The following MIS18BP1 variants were observed in gnomAD, a reference collection of about 807,000 sequenced individuals.
MIS18BP1 encodes the protein MIS18 binding protein 1, also known as mis18-binding protein 1.
A neutral mutation model predicts 116.1 loss-of-function variants in MIS18BP1; 72 were observed. The observed-to-expected ratio is 0.62, with a 90% CI of 0.51 to 0.75. The LOEUF is 0.75. Ranked by LOEUF, MIS18BP1 falls within the 30% of genes least tolerant of loss-of-function variation. The pLI is 0.00. For synonymous variants in MIS18BP1, 386 were observed against 427.0 expected, an observed-to-expected ratio of 0.90 and a Z score of 1.18; for missense variants, 1,363 against 1,303.2, an observed-to-expected ratio of 1.05 and a Z score of -0.71.
In MIS18BP1 at chr14:45,227,647, T is replaced by TAC. The variant is rs1308443863; in HGVS notation, c.1746+14_1746+15dup. 3.1e-6 allele frequency: 5 copies of TAC among 1,606,392 alleles called. No individual in the cohort carries two copies. In the African/African-American group the frequency reaches 6.7e-5, roughly 21 times the overall value. ...AAATATCAACTTGAACTATACAGTG[T>TAC]ACAATAAAGCCTTACCTGATTAGAT... is the stretch of plus-strand genomic sequence containing the variant. On this transcript the variant is annotated intron_variant, in intron 9 of 16. Coordinates refer to ENST00000310806, the MANE Select transcript of MIS18BP1 (RefSeq NM_018353.5).
chr14:45,210,110 GTT>G, intron 14 of MIS18BP1: 1 of 232,686 alleles, frequency 4.3e-6, no homozygotes, highest in Non-Finnish European at 8.0e-6. Flanking sequence ...GGTTTCTTTA[GTT>G]TTTTTTTTTT....
chr14:45,235,070 G>C (rs1891385802), intron 6 of MIS18BP1, among the ~76,000 whole-genome samples: 1 of 152,022 alleles, frequency 6.6e-6, no homozygotes, highest in African/African-American at 2.4e-5. Context: ...GCTGTGCACT[G>C]TGGCACACTC....
intron 6 of MIS18BP1, among the ~76,000 whole-genome samples, chr14:45,234,830 T>G (rs549612864): frequency 1.6e-4 from 25 of 152,244 alleles, no homozygotes; most frequent in African/African-American, 5.3e-4. Context: ...TGGTGCCAGG[T>G]GGGTTCAACA....
At chr14:45,214,477 G>A (rs576007431) in intron 13 of MIS18BP1, among the ~76,000 whole-genome samples, 85 of 152,290 alleles carry the variant, frequency 5.6e-4, no homozygotes, top group African/African-American at 1.9e-3. Flanking sequence ...CCCTCTCTGA[G>A]ATGGTAGAGA....
intron 9 of MIS18BP1, 88 bp downstream of exon 9, chr14:45,227,575 C>A: frequency 7.8e-6 from 8 of 1,021,812 alleles, no homozygotes; most frequent in Non-Finnish European, 1.1e-5. Flanking sequence ...ACAGAACTCA[C>A]GTCCCTGATA....
At chr14:45,205,240 C>G (rs943656582) in intron 15 of MIS18BP1, among the ~76,000 whole-genome samples, 4 of 151,884 alleles carry the variant, frequency 2.6e-5, no homozygotes, top group African/African-American at 9.7e-5. Flanking sequence ...TCATTTAGAC[C>G]TCAAAATCAT....
chr14:45,216,795 C>T lies in MIS18BP1; in HGVS notation c.3003+224G>A, dbSNP rs777286162. On this transcript the variant is annotated intron_variant, in intron 13 of 16. Transcript: ENST00000310806. ...TTCACCTAATTCTAGGTTTACTTTA[C>T]TGTTTGGTTCTACAAACATTACCTT... is the stretch of plus-strand genomic sequence containing the variant. 1.8e-4 allele frequency among the ~76,000 whole-genome samples: 27 copies of T among 152,308 alleles called. No homozygotes were observed. The Middle Eastern group carries it at 0.01, about 58-fold the overall frequency.
intron 6 of MIS18BP1, among the ~76,000 whole-genome samples, chr14:45,233,846 A>T (rs1259733052): frequency 1.3e-5 from 2 of 152,204 alleles, no homozygotes; most frequent in Non-Finnish European, 2.9e-5. Context: ...TGGAGATGTC[A>T]AATAAGCAGG....
intron 13 of MIS18BP1, among the ~76,000 whole-genome samples, chr14:45,211,686 CTGTGT>C (rs1182730798): frequency 6.6e-6 from 1 of 152,176 alleles, no homozygotes; most frequent in Non-Finnish European, 1.5e-5. Flanking sequence ...ACAGGGAGCC[CTGTGT>C]ATTCACAGGA....
chr14:45,251,748 A>G (rs1371486754), intron 1 of MIS18BP1, among the ~76,000 whole-genome samples: 1 of 152,262 alleles, frequency 6.6e-6, no homozygotes. Flanking sequence ...ATGAAAGGTG[A>G]TTAATAGAAT....
chr14:45,232,845 A>T, intron 6 of MIS18BP1, 25 bp from the exon 7 acceptor site: 1 of 1,050,980 alleles, frequency 9.5e-7, no homozygotes, highest in Non-Finnish European at 1.4e-6. Flanking sequence ...ACAACAACAA[A>T]AAGTATTTAA....
chr14:45,203,887 A>G lies in MIS18BP1; in HGVS notation c.*222T>C, dbSNP rs543983058. 4 of 336,186 alleles carry G rather than the reference A, an allele frequency of 1.2e-5. No homozygotes were observed. In the East Asian group the frequency reaches 2.7e-4, roughly 23 times the overall value. 20.8% of individuals were successfully genotyped at this position (336,186 alleles called of 1,614,324 possible). On this transcript the variant is annotated 3_prime_UTR_variant, in exon 17 of 17. Coordinates refer to ENST00000310806, the MANE Select transcript of MIS18BP1 (RefSeq NM_018353.5). ...ATATATATTTTAATATGCAAAAACA[A>G]ATTTACAGATATCTACACGAGCAAA...
chr14:45,211,014 C>T (rs577727455), intron 13 of MIS18BP1, among the ~76,000 whole-genome samples: 20 of 152,284 alleles, frequency 1.3e-4, no homozygotes, highest in East Asian at 1.2e-3. Flanking sequence ...AACCGAGTAG[C>T]GTGGCTTCAA....
intron 10 of MIS18BP1, among the ~76,000 whole-genome samples, chr14:45,225,978 A>G (rs1891113974): frequency 6.6e-6 from 1 of 152,166 alleles, no homozygotes; most frequent in South Asian, 2.1e-4. Flanking sequence ...GAAAGTGTCT[A>G]CAAGATTTTC....
At chr14:45,241,073 T>C (rs371370194) in intron 4 of MIS18BP1, among the ~76,000 whole-genome samples, 2 of 152,222 alleles carry the variant, frequency 1.3e-5, no homozygotes, top group South Asian at 2.1e-4. Context: ...CCCAAAAGGC[T>C]GGCCTGGGCA....
intron 1 of MIS18BP1, among the ~76,000 whole-genome samples, chr14:45,248,713 AAAAG>A (rs1366622104): frequency 1.3e-5 from 2 of 152,212 alleles, no homozygotes; most frequent in Non-Finnish European, 2.9e-5. Context: ...AATAGAGAAA[AAAAG>A]AAGGAAAATA....
At chr14:45,220,996 A>G (rs538139598) in intron 11 of MIS18BP1, among the ~76,000 whole-genome samples, 7 of 152,002 alleles carry the variant, frequency 4.6e-5, no homozygotes, top group African/African-American at 1.4e-4. Context: ...CTAGCTGGAT[A>G]TGGTGGCACA....
intron 16 of MIS18BP1, 37 bp downstream of exon 16, chr14:45,204,361 TA>T: frequency 6.3e-7 from 1 of 1,582,156 alleles, no homozygotes; most frequent in African/African-American, 1.4e-5. Flanking sequence ...TACCTTATAA[TA>T]GAACTGAGCC....
chr14:45,229,358 G>A (rs1385974070), intron 8 of MIS18BP1, among the ~76,000 whole-genome samples: 2 of 151,952 alleles, frequency 1.3e-5, no homozygotes, highest in African/African-American at 4.8e-5. Flanking sequence ...TAAAAAACAA[G>A]CCAAGTGCAG....
Sources: gnomAD v4.1 joint callset for allele counts (sites outside exome capture counted in the v4.1 genomes callset) on GRCh38, gnomAD v4.1.1 for gene constraint, MANE v1.5 for transcripts, NCBI Gene and HGNC (gene_info 2026-07-23, HGNC 2026-07-21) for gene names.